Variants in SHISA9 observed in about 807,000 individuals in gnomAD.
The protein encoded by SHISA9 is protein shisa-9.
SHISA9 carries 13 observed loss-of-function variants against 38.0 expected under a neutral mutation model. The observed-to-expected ratio is 0.34, with a 90% CI of 0.22 to 0.54. The LOEUF is 0.54. SHISA9 is among the 20% of genes least tolerant of loss of function. The probability of loss-of-function intolerance (pLI) is 0.91; values close to 1 mark genes in which losing one functional copy is unlikely to be tolerated. For synonymous variants in SHISA9, 275 were observed against 242.0 expected, an observed-to-expected ratio of 1.14 and a Z score of -1.27; for missense variants, 538 against 575.8, an observed-to-expected ratio of 0.93 and a Z score of 0.67.
chr16:13,242,227 G>T (rs565692878), downstream of SHISA9, among the ~76,000 whole-genome samples: 15 of 152,298 alleles, frequency 9.8e-5, no homozygotes, highest in South Asian at 3.1e-3. Flanking sequence ...ATGCTTTAAT[G>T]GCTCTGTCAA....
chr16:13,280,722 A>T, the SHISA9 span, among the ~76,000 whole-genome samples: 1 of 151,788 alleles, frequency 6.6e-6, no homozygotes, highest in Non-Finnish European at 1.5e-5. Context: ...ATGAGGTTGT[A>T]CCCTTTCCTT....
At chr16:13,526,865 C>T in the SHISA9 span, among the ~76,000 whole-genome samples, 1 of 152,186 alleles carries the variant, frequency 6.6e-6, no homozygotes, top group Non-Finnish European at 1.5e-5. Flanking sequence ...AAACGTACAT[C>T]CATGGTGAAG....
chr16:13,403,112 A>AC, the SHISA9 span, among the ~76,000 whole-genome samples: 3,861 of 46,740 alleles, frequency 0.083, 65 homozygotes, highest in East Asian at 0.27. Flanking sequence ...TCAAAAACAC[A>AC]AAAAAAAAAA....
chr16:12,935,755 G>A (rs1006547728), intron 2 of SHISA9, among the ~76,000 whole-genome samples: 1 of 151,864 alleles, frequency 6.6e-6, no homozygotes, highest in African/African-American at 2.4e-5. Context: ...GGCTGAGATG[G>A]GAAGATTACT....
the SHISA9 span, among the ~76,000 whole-genome samples, chr16:13,296,020 C>A: frequency 6.6e-6 from 1 of 152,086 alleles, no homozygotes; most frequent in Non-Finnish European, 1.5e-5. Flanking sequence ...TTTTTTCATG[C>A]CTTTCTTGCA....
chr16:13,192,180 G>A (rs560406832), intron 2 of SHISA9, among the ~76,000 whole-genome samples: 4 of 152,174 alleles, frequency 2.6e-5, no homozygotes, highest in South Asian at 2.1e-4. Flanking sequence ...CAGTAAGTAT[G>A]CAGGGACATG....
chr16:12,972,741 A>G (rs1008526783), intron 2 of SHISA9, among the ~76,000 whole-genome samples: 14 of 152,208 alleles, frequency 9.2e-5, no homozygotes, highest in African/African-American at 3.1e-4. Flanking sequence ...ACCATATTGG[A>G]TAATGCAATT....
intron 2 of SHISA9, among the ~76,000 whole-genome samples, chr16:13,107,229 C>T (rs2073934362): frequency 6.6e-6 from 1 of 151,830 alleles, no homozygotes; most frequent in Non-Finnish European, 1.5e-5. Flanking sequence ...GTCAGTAGTT[C>T]AAGACCAGCC....
intron 2 of SHISA9, among the ~76,000 whole-genome samples, chr16:12,952,728 G>C (rs1159228970): frequency 6.6e-6 from 1 of 152,114 alleles, no homozygotes; most frequent in Non-Finnish European, 1.5e-5. Context: ...TACATGCCTG[G>C]CTTCTCCTTC....
chr16:13,249,705 TCTC>T, the SHISA9 span, among the ~76,000 whole-genome samples: 1 of 152,100 alleles, frequency 6.6e-6, no homozygotes, highest in Non-Finnish European at 1.5e-5. Context: ...CCCTCTTCCT[TCTC>T]CTTCACTTGA....
chr16:13,110,979 C>G (rs1249043571), intron 2 of SHISA9, among the ~76,000 whole-genome samples: 1 of 152,170 alleles, frequency 6.6e-6, no homozygotes, highest in Non-Finnish European at 1.5e-5. Flanking sequence ...AGATGTGAAA[C>G]TGGCTAGCCA....
At chr16:13,201,403 G>T (rs1383611658) in intron 2 of SHISA9, among the ~76,000 whole-genome samples, 1 of 135,534 alleles carries the variant, frequency 7.4e-6, no homozygotes, top group Admixed American at 7.2e-5. Flanking sequence ...TTGTTACACT[G>T]TATTTTTACT....
At chr16:13,562,805 T>G in the SHISA9 span, 2 of 152,152 alleles carry the variant, frequency 1.3e-5, no homozygotes, top group Admixed American at 1.3e-4. Flanking sequence ...GACTGTTGGA[T>G]GCACCTAAAA....
chr16:13,518,911 GA>G, the SHISA9 span, among the ~76,000 whole-genome samples: 1 of 151,814 alleles, frequency 6.6e-6, no homozygotes, highest in African/African-American at 2.4e-5. Context: ...TAAGAGAGAG[GA>G]AAAAAGGGGG....
At chr16:13,010,843 T>C (rs917585741) in intron 2 of SHISA9, among the ~76,000 whole-genome samples, 4 of 152,146 alleles carry the variant, frequency 2.6e-5, no homozygotes, top group African/African-American at 9.7e-5. Context: ...TCGCAGCTAC[T>C]TGGGAGGCTG....
chr16:13,353,076 A>T, the SHISA9 span, among the ~76,000 whole-genome samples: 1 of 152,184 alleles, frequency 6.6e-6, no homozygotes, highest in Non-Finnish European at 1.5e-5. Context: ...GGGGCGGCGA[A>T]AATTTTTGGT....
chr16:13,203,759 G>T (rs1314919350), intron 3 of SHISA9, among the ~76,000 whole-genome samples: 2 of 151,482 alleles, frequency 1.3e-5, no homozygotes, highest in Admixed American at 6.6e-5. Flanking sequence ...GTCTGTCTAT[G>T]CATTCATTCA....
At chr16:13,078,912 C>T (rs759369786) in intron 2 of SHISA9, among the ~76,000 whole-genome samples, 53 of 152,074 alleles carry the variant, frequency 3.5e-4, no homozygotes, top group Admixed American at 1.0e-3. Flanking sequence ...TAACCGGGAG[C>T]GTAAAAGGGG....
chr16:13,416,381 AC>A, the SHISA9 span, among the ~76,000 whole-genome samples: 2 of 152,192 alleles, frequency 1.3e-5, no homozygotes, highest in African/African-American at 4.8e-5. Context: ...TGACCATATA[AC>A]ACATAAGCAC....
Sources: gnomAD v4.1 joint callset for allele counts (sites outside exome capture counted in the v4.1 genomes callset) on GRCh38, gnomAD v4.1.1 for gene constraint, MANE v1.5 for transcripts, NCBI Gene and HGNC (gene_info 2026-07-23, HGNC 2026-07-21) for gene names.